USH2A: variants seen among roughly 807,000 people sequenced by gnomAD.
The protein encoded by USH2A is usherin.
USH2A carries 443 observed loss-of-function variants against 538.9 expected under a neutral mutation model. The ratio of observed to expected loss-of-function variants is 0.82; its 90% CI spans 0.76 to 0.89. The LOEUF (loss-of-function observed/expected upper bound fraction) is 0.89. USH2A is among the 40% of genes least tolerant of loss of function. The probability of loss-of-function intolerance (pLI) is 0.00; values close to 1 mark genes in which losing one functional copy is unlikely to be tolerated. For synonymous variants in USH2A, 2,413 were observed against 2,273.5 expected (o/e 1.06, Z -1.75); for missense variants, 6,633 against 6,324.8 (o/e 1.05, Z -1.65).
chr1:215,691,047 C>T (rs1558056056), intron 61 of USH2A, among the ~76,000 whole-genome samples: 3 of 152,070 alleles, frequency 2.0e-5, no homozygotes, highest in East Asian at 1.9e-4. Context: ...ACAGGCCAGG[C>T]TAATTTATGT....
intron 3 of USH2A, among the ~76,000 whole-genome samples, chr1:216,368,550 A>G (rs1219773582): frequency 6.6e-6 from 1 of 152,210 alleles, no homozygotes; most frequent in African/African-American, 2.4e-5. Flanking sequence ...GAATTCATAA[A>G]GCATCAACTC....
chr1:216,148,782 G>C (rs2762675), intron 21 of USH2A, among the ~76,000 whole-genome samples: 93,264 of 148,312 alleles, frequency 0.63, 29,428 homozygotes, highest in East Asian at 0.79. Context: ...ACCCATTATC[G>C]TGTTCTAGAT....
chr1:215,798,123 G>A (rs1662197600), intron 50 of USH2A, among the ~76,000 whole-genome samples: 1 of 152,182 alleles, frequency 6.6e-6, no homozygotes, highest in Admixed American at 6.5e-5. Context: ...GAACTGGAAT[G>A]AGAAGTGAAG....
At chr1:215,713,323 T>G (rs1337060412) in intron 61 of USH2A, among the ~76,000 whole-genome samples, 1 of 152,212 alleles carries the variant, frequency 6.6e-6, no homozygotes, top group Non-Finnish European at 1.5e-5. Flanking sequence ...CATAACCTCC[T>G]GAAGGCATAC....
chr1:216,348,197 T>C (rs1016926255), intron 4 of USH2A, among the ~76,000 whole-genome samples: 5 of 152,176 alleles, frequency 3.3e-5, no homozygotes, highest in African/African-American at 1.2e-4. Context: ...CTTATGACAA[T>C]AGATATTTGC....
intron 4 of USH2A, among the ~76,000 whole-genome samples, chr1:216,359,545 A>G (rs2038451747): frequency 6.6e-6 from 1 of 152,082 alleles, no homozygotes; most frequent in African/African-American, 2.4e-5. Context: ...AAAAATATAT[A>G]CCTTCTTTTT....
chr1:215,646,982 A>G (rs986047874), intron 67 of USH2A, among the ~76,000 whole-genome samples: 1 of 152,182 alleles, frequency 6.6e-6, no homozygotes, highest in African/African-American at 2.4e-5. Flanking sequence ...ACATTCTATG[A>G]TATTTTCACG....
In USH2A at chr1:216,418,683, AG is replaced by A; in HGVS notation, c.486-5del. 1 of 1,612,946 alleles carries A rather than the reference AG, an allele frequency of 6.2e-7. No individual in the cohort carries two copies. Among genetic ancestry groups the A allele is most frequent in the Non-Finnish European group, 8.5e-7 (1 of 1,179,306 alleles). ...TACTGTCTTTTCTATAACACACCTT[AG>A]GAAGCAACCGGAAAAGAGAGAAAAG... On this transcript the variant is annotated splice_region_variant and splice_polypyrimidine_tract_variant and intron_variant, in intron 2 of 71. Coordinates refer to ENST00000307340, the MANE Select transcript of USH2A (RefSeq NM_206933.4).
At chr1:215,693,550 C>G (rs2820701) in intron 61 of USH2A, among the ~76,000 whole-genome samples, 143,719 of 152,254 alleles carry the variant, frequency 0.94, 68,299 homozygotes, top group East Asian at 1. Context: ...CCAGTGTTTT[C>G]ATTTCAAGAC....
chr1:216,366,193 TGA>T, intron 3 of USH2A, among the ~76,000 whole-genome samples: 1 of 151,992 alleles, frequency 6.6e-6, no homozygotes, highest in Admixed American at 6.6e-5. Context: ...GGGGAGGGGT[TGA>T]GAGAGGGGAG....
intron 3 of USH2A, among the ~76,000 whole-genome samples, chr1:216,386,548 T>C: frequency 7.3e-6 from 1 of 136,706 alleles, no homozygotes; most frequent in South Asian, 2.2e-4. Flanking sequence ...AAACTATATA[T>C]ATATATATAT....
At chr1:215,630,480 GTGTATATATATATA>G (rs1231294042) in intron 70 of USH2A, among the ~76,000 whole-genome samples, 9,916 of 105,778 alleles carry the variant, frequency 0.094, 697 homozygotes, top group Non-Finnish European at 0.12. Context: ...GTATGTGTGT[GTGTATATATATATA>G]TATATATATA....
intron 21 of USH2A, among the ~76,000 whole-genome samples, chr1:216,165,651 T>A (rs560058463): frequency 1.3e-5 from 2 of 152,296 alleles, no homozygotes; most frequent in South Asian, 4.1e-4. Context: ...AAGTGATCCA[T>A]CTTTTGGATT....
In USH2A at chr1:215,999,035, C is replaced by T. The variant is rs1668203975; in HGVS notation, c.6509G>A (p.Ser2170Asn). 1 of 1,612,282 alleles carries T rather than the reference C, an allele frequency of 6.2e-7. No homozygotes were observed. ...HIQWKQPRKI[S>N]GILERYVLYM... ...TAATACATAGCGTTCCAGAATCCCACTTATTTTTCTTGGTTGTTTCCACCT... is the reference window on the plus strand; with the variant it reads ...TAATACATAGCGTTCCAGAATCCCATTTATTTTTCTTGGTTGTTTCCACCT... Residue 2170 changes from serine (S) to asparagine (N), a missense_variant, in exon 34 of 72, where the codon AGT (serine) becomes AAT (asparagine). By Grantham distance (46) the Ser-to-Asn change is conservative. Coordinates refer to ENST00000307340, the MANE Select transcript of USH2A (RefSeq NM_206933.4).
At chr1:216,164,815 CAG>C (rs1240701794) in intron 21 of USH2A, among the ~76,000 whole-genome samples, 1 of 152,034 alleles carries the variant, frequency 6.6e-6, no homozygotes, top group Non-Finnish European at 1.5e-5. Context: ...AATTGAAGTC[CAG>C]AATTACAGAA....
intron 37 of USH2A, among the ~76,000 whole-genome samples, chr1:215,960,423 T>C (rs1210211840): frequency 1.3e-5 from 2 of 152,108 alleles, no homozygotes; most frequent in Non-Finnish European, 2.9e-5. Context: ...ATAATTTAAA[T>C]TGATAGTTAA....
chr1:215,626,269 A>G (rs1007582331), intron 71 of USH2A, among the ~76,000 whole-genome samples: 1 of 149,464 alleles, frequency 6.7e-6, no homozygotes, highest in Non-Finnish European at 1.5e-5. Context: ...CACTACATAT[A>G]TATACTATAT....
At chr1:215,895,559 T>A (rs1037906322) in intron 40 of USH2A, among the ~76,000 whole-genome samples, 2 of 152,202 alleles carry the variant, frequency 1.3e-5, no homozygotes, top group Non-Finnish European at 2.9e-5. Flanking sequence ...GAAGAACCTC[T>A]GTTCCTTTGT....
intron 8 of USH2A, 23 bp downstream of exon 8, chr1:216,323,451 G>T: frequency 6.2e-7 from 1 of 1,611,980 alleles, no homozygotes; most frequent in South Asian, 1.1e-5. Flanking sequence ...AAACCTTGTT[G>T]AAAACAAAAT....
Sources: allele counts gnomAD v4.1 joint callset (sites outside exome capture counted in the v4.1 genomes callset), GRCh38; gene constraint gnomAD v4.1.1; transcripts MANE v1.5; gene names NCBI Gene and HGNC (gene_info 2026-07-23, HGNC 2026-07-21).